The following ULK1 variants were observed in gnomAD, a reference collection of about 807,000 sequenced individuals.
The protein encoded by ULK1 is serine/threonine-protein kinase ULK1.
In ULK1, 48 loss-of-function variants were observed where a neutral mutation model predicts 117.5. The observed-to-expected ratio is 0.41, with a 90% CI of 0.32 to 0.52. The LOEUF (loss-of-function observed/expected upper bound fraction) is 0.52. ULK1 is among the 20% of genes least tolerant of loss of function. The pLI, the probability that ULK1 is intolerant of heterozygous loss-of-function variation, is 0.29. For missense variants in ULK1, 1,387 were observed against 1,473.4 expected (o/e 0.94, Z 0.96); for synonymous variants, 790 against 637.8 (o/e 1.24, Z -3.60).
intron 5 of ULK1, among the ~76,000 whole-genome samples, chr12:131,908,115 C>G (rs1396704899): frequency 6.6e-6 from 1 of 152,100 alleles, no homozygotes; most frequent in Admixed American, 6.5e-5. Flanking sequence ...ACTGCTCAAA[C>G]GCCGGCTCAG....
chr12:131,916,511 C>T lies in ULK1; in HGVS notation c.1992C>T (p.Leu664=), dbSNP rs1416809846. The T allele has an allele frequency of 1.3e-5, 21 of 1,611,840 alleles. No individual in the cohort carries two copies. Among genetic ancestry groups the T allele is most frequent in the Admixed American group, 1.7e-5 (1 of 59,972 alleles). The change falls in exon 20 of 28, where the codon CTC becomes CTT. Residue 664 remains leucine (L), a synonymous_variant. Coordinates refer to ENST00000321867, the MANE Select transcript of ULK1 (RefSeq NM_003565.4). ...TPPRNRTLPD[L]SEVGPFHGQP... is the part of the protein sequence containing the mutation. ...CTCGAAACCGGACGCTGCCCGACCT[C>T]TCGGAGGTGGGACCCTTCCATGGTC...
At position 131,906,876 on chromosome 12, in the gene ULK1, CT is replaced by C. The variant is rs1247335482; in HGVS notation, c.247-12del. The C allele has an allele frequency of 6.2e-7, 1 of 1,613,934 alleles. No homozygotes were observed. Among genetic ancestry groups the C allele is most frequent in the Non-Finnish European group, 8.5e-7 (1 of 1,180,010 alleles). On this transcript the variant is annotated splice_polypyrimidine_tract_variant and intron_variant, in intron 3 of 27. Coordinates refer to ENST00000321867, the MANE Select transcript of ULK1 (RefSeq NM_003565.4). ...GTGGCACTGGGACCTCTCACAGCCT[CT>C]TTTCTGTCTTGCAGGAAATGGCTAA...
Position 131,920,385 on chromosome 12 carries a change from A to G in ULK1, c.2961+249A>G, listed in dbSNP as rs1229015525. The stretch of plus-strand genomic sequence containing the variant: ...TGCCTCGCCCCGACTCAGTTTCCCC[A>G]ATTGTAAAATGAGAGACTTGGTCTT... On this transcript the variant is annotated intron_variant, in intron 26 of 27. Transcript: ENST00000321867. 19 of 490,320 alleles carry G rather than the reference A, an allele frequency of 3.9e-5. No homozygotes were observed. In the South Asian group the frequency reaches 4.8e-4, roughly 12 times the overall value. The allele number at this position is 490,320 out of a possible 1,614,324, so 30.4% of individuals were successfully genotyped here.
At chr12:131,913,894 T>C in intron 15 of ULK1, 58 bp downstream of exon 15, 3 of 1,381,050 alleles carry the variant, frequency 2.2e-6, no homozygotes, top group Non-Finnish European at 2.9e-6. Flanking sequence ...GGCTGGAGGT[T>C]GGGCTTCCTG....
chr12:131,908,867 C>T (rs747974505), intron 6 of ULK1, 31 bp from the exon 7 acceptor site: 21 of 1,607,222 alleles, frequency 1.3e-5, no homozygotes, highest in African/African-American at 9.3e-5. Context: ...GCTCCGGGGC[C>T]GGCGCCGGTC....
intron 8 of ULK1, 135 bp from the exon 9 acceptor site, chr12:131,909,640 C>G (rs1007977165): frequency 2.1e-6 from 2 of 932,006 alleles, no homozygotes; most frequent in African/African-American, 1.7e-5. Context: ...AGCAAACAGC[C>G]GCGCTAGCAC....
Position 131,919,583 on chromosome 12 carries a change from G to A in ULK1, c.2796G>A (p.Val932=). ...RAGKLCLSST[V]KQVVRRLNEL... ...GCAAGCTCTGCCTGTCGTCCACTGT[G>A]AAGCAGGGTGAGGGCTGCGACCGCT... Residue 932 remains valine, a synonymous_variant, in exon 25 of 28, where the codon GTG becomes GTA. Coordinates refer to ENST00000321867, the MANE Select transcript of ULK1 (RefSeq NM_003565.4). 1 of 1,611,676 alleles carries A rather than the reference G, an allele frequency of 6.2e-7. No homozygotes were observed. The highest frequency in any genetic ancestry group is 8.5e-7 in the Non-Finnish European group (1 of 1,179,576).
intron 5 of ULK1, among the ~76,000 whole-genome samples, chr12:131,907,942 G>C (rs1889342872): frequency 7.2e-6 from 1 of 139,180 alleles, no homozygotes; most frequent in African/African-American, 2.6e-5. Flanking sequence ...GGGCGGCCGC[G>C]CCCGTCTGTT....
In ULK1 at chr12:131,919,456, T is replaced by G; in HGVS notation, c.2685-16T>G. 6.2e-7 allele frequency: 1 copy of G among 1,607,014 alleles called. No individual in the cohort carries two copies. The highest frequency in any genetic ancestry group is 1.1e-5 in the South Asian group (1 of 90,866). The stretch of plus-strand genomic sequence containing the variant: ...CAGGACCAACCGGCCTCCTCTGATC[T>G]GCCTGCCGCCCCCAGCTTCGCGGAA... On this transcript the variant is annotated splice_polypyrimidine_tract_variant and intron_variant, in intron 24 of 27. Transcript: ENST00000321867.
chr12:131,917,521 C>T lies in ULK1; in HGVS notation c.2293C>T (p.Pro765Ser), dbSNP rs747098925. ...TVGSPPSGST[P>S]PQGPRTRMFS... ...GGGCTCTCCCCCGAGCGGGAGCACG[C>T]CCCCCCAGGGCCCCCGCACCAGGAT... The change falls in exon 22 of 28, where the codon CCC (proline) becomes TCC (serine). Residue 765 changes from proline to serine, a missense_variant. Coordinates refer to ENST00000321867, the MANE Select transcript of ULK1 (RefSeq NM_003565.4). The T allele has an allele frequency of 1.6e-5, 24 of 1,455,768 alleles. No individual in the cohort carries two copies. Among genetic ancestry groups the T allele is most frequent in the Middle Eastern group, 1.9e-4 (1 of 5,284 alleles). 90.2% of individuals were successfully genotyped at this position (1,455,768 alleles called of 1,614,324 possible). A position where few individuals can be genotyped will look rare whatever the true frequency, so the allele number is the denominator to read the frequency against.
At chr12:131,909,366 G>A in intron 8 of ULK1, 129 bp downstream of exon 8, 1 of 1,062,896 alleles carries the variant, frequency 9.4e-7, no homozygotes, top group Non-Finnish European at 1.3e-6. Context: ...TGGCGGGGCG[G>A]GCGTCCAGGG....
At position 131,920,125 on chromosome 12, in the gene ULK1, G is replaced by T. The variant is rs1229397404; in HGVS notation, c.2950G>T (p.Ala984Ser). The change falls in exon 26 of 28, where the codon GCT becomes TCT. Residue 984 changes from alanine (A) to serine (S), a missense_variant. Physicochemically the swap from Ala to Ser is moderately conservative, Grantham distance 99 (BLOSUM62 1). Around this residue, in one of 4 missense-constraint regions of ULK1, gnomAD observed 900 missense variants for 858.9 expected, o/e 1.05. Transcript: ENST00000321867. ...TGCCGAGAGGCTCATCTTCAGCCAC[G>T]CTGTGCAGATGGTACGGGACAGACA... is the stretch of plus-strand genomic sequence containing the variant. ...ITAERLIFSH[A>S]VQMVQSAALD... is the part of the protein sequence containing the mutation. 6.2e-7 allele frequency: 1 copy of T among 1,612,622 alleles called. No individual in the cohort carries two copies. Among genetic ancestry groups the T allele is most frequent in the African/African-American group, 1.3e-5 (1 of 74,932 alleles).
In ULK1 at chr12:131,916,452, C is replaced by T; in HGVS notation, c.1933C>T (p.Leu645Phe). The change falls in exon 20 of 28, where the codon CTC becomes TTC. Residue 645 changes from leucine (L) to phenylalanine (F), a missense_variant. Coordinates refer to ENST00000321867, the MANE Select transcript of ULK1 (RefSeq NM_003565.4). Reference sequence around the variant, plus strand: ...CCCCAGCTCCCAGAACCTGCTGGCCCTCCTAGCCCGGCAGGGCGTGGTGAT... The same window carrying T: ...CCCCAGCTCCCAGAACCTGCTGGCCTTCCTAGCCCGGCAGGGCGTGGTGAT... ...KTPSSQNLLA[L>F]LARQGVVMTP... 6.2e-7 allele frequency: 1 copy of T among 1,611,050 alleles called. No individual in the cohort carries two copies. Among genetic ancestry groups the T allele is most frequent in the Admixed American group, 1.7e-5 (1 of 59,632 alleles).
In ULK1 at chr12:131,915,077, C is replaced by G. The variant is rs780050359; in HGVS notation, c.1374-6C>G. 2.6e-6 allele frequency: 4 copies of G among 1,537,708 alleles called. No individual in the cohort carries two copies. The highest frequency in any genetic ancestry group is 2.3e-5 in the East Asian group (1 of 44,206). On this transcript the variant is annotated splice_polypyrimidine_tract_variant and splice_region_variant and intron_variant, in intron 16 of 27. Coordinates refer to ENST00000321867, the MANE Select transcript of ULK1 (RefSeq NM_003565.4). ...CCTCCCCTCCTAATATCTGCCTTGTCTTCAGGTCCTCTGCCATCCGCAGGT... is the reference window on the plus strand; with the variant it reads ...CCTCCCCTCCTAATATCTGCCTTGTGTTCAGGTCCTCTGCCATCCGCAGGT...
Position 131,918,263 on chromosome 12 carries a change from A to G in ULK1, c.2327-234A>G, listed in dbSNP as rs569795003. 86 of 584,572 alleles carry G rather than the reference A, an allele frequency of 1.5e-4. No individual in the cohort carries two copies. The East Asian group carries it at 2.2e-3, about 15-fold the overall frequency. The allele number at this position is 584,572 out of a possible 1,614,324, so 36.2% of individuals were successfully genotyped here. On this transcript the variant is annotated intron_variant, in intron 22 of 27. Transcript: ENST00000321867. ...CAGAGGGTCCCTTGGTGGGCACCGC[A>G]GCCCTTGGCCTGAGGTGGGGAGCTG... is the stretch of plus-strand genomic sequence containing the variant.
rs1035049384 is a variant in ULK1 at position 131,909,162 on chromosome 12, C to T, written c.591C>T (p.His197=). ...YMAPEVIMSQ[H]YDGKADLWSI... is the part of the protein sequence containing the mutation. ...CCCCCGAGGTCATCATGTCCCAGCA[C>T]TACGACGGGAAGGCGGACCTGTGGA... The change falls in exon 8 of 28, where the codon CAC becomes CAT. Residue 197 remains histidine, a synonymous_variant. Coordinates refer to ENST00000321867, the MANE Select transcript of ULK1 (RefSeq NM_003565.4). 1 of 1,609,928 alleles carries T rather than the reference C, an allele frequency of 6.2e-7. No individual in the cohort carries two copies. Among genetic ancestry groups the T allele is most frequent in the East Asian group, 2.2e-5 (1 of 44,700 alleles).
chr12:131,914,968 C>T (rs1889706233), intron 16 of ULK1, 115 bp from the exon 17 acceptor site: 4 of 1,437,780 alleles, frequency 2.8e-6, no homozygotes, highest in South Asian at 1.5e-5. Context: ...GGCATGGGGT[C>T]CTGGGCTGCT....
chr12:131,918,740 G>C, intron 23 of ULK1, 59 bp downstream of exon 23: 3 of 1,481,490 alleles, frequency 2.0e-6, no homozygotes, highest in Non-Finnish European at 2.7e-6. Context: ...GGGGTGTGTG[G>C]GGTGTCGGGT....
At chr12:131,919,139 G>A (rs1425852760) in intron 23 of ULK1, 73 bp from the exon 24 acceptor site, 33 of 1,485,694 alleles carry the variant, frequency 2.2e-5, no homozygotes, top group African/African-American at 1.3e-4. Flanking sequence ...AGGCGTCATC[G>A]GTGAGTCTGA....
Sources: gnomAD v4.1 joint callset for allele counts (sites outside exome capture counted in the v4.1 genomes callset) on GRCh38, gnomAD v4.1.1 for gene constraint, gnomAD v4.1.1 regional missense constraint, MANE v1.5 for transcripts, NCBI Gene and HGNC (gene_info 2026-07-23, HGNC 2026-07-21) for gene names.